Variants in USP24 observed in about 807,000 individuals in gnomAD.
USP24 encodes the protein ubiquitin specific peptidase 24, also known as ubiquitin carboxyl-terminal hydrolase 24.
In USP24, 97 loss-of-function variants were observed where a neutral mutation model predicts 361.6. That is an observed-to-expected ratio of 0.27 (90% CI 0.23 to 0.32). The LOEUF is 0.32. Among genes scored for constraint, USP24 ranks in the 10% least tolerant of loss-of-function variants. The pLI is 1.00. For synonymous variants in USP24, 1,098 were observed against 1,124.6 expected (o/e 0.98, Z 0.47); for missense variants, 2,353 against 3,165.6 (o/e 0.74, Z 6.16).
intron 17 of USP24, 100 bp from the exon 18 acceptor site, chr1:55,147,898 C>T (rs1254629869): frequency 3.3e-6 from 4 of 1,216,342 alleles, no homozygotes; most frequent in African/African-American, 1.5e-5. Context: ...CTAGATGAGA[C>T]AAAGCAAACA....
chr1:55,165,103 A>G (rs1648691037), intron 7 of USP24, among the ~76,000 whole-genome samples: 1 of 152,070 alleles, frequency 6.6e-6, no homozygotes, highest in Non-Finnish European at 1.5e-5. Context: ...TCCTTCACCC[A>G]TAGAGGGACC....
chr1:55,145,642 CATGGT>C (rs1441087078), intron 20 of USP24, among the ~76,000 whole-genome samples: 1 of 152,110 alleles, frequency 6.6e-6, no homozygotes, highest in Non-Finnish European at 1.5e-5. Flanking sequence ...AAGTGAGTTT[CATGGT>C]ATGTAAATTA....
At chr1:55,165,862 G>A (rs1051261823) in intron 7 of USP24, 23 bp downstream of exon 7, 23 of 1,572,124 alleles carry the variant, frequency 1.5e-5, no homozygotes, top group Non-Finnish European at 1.7e-5. Flanking sequence ...TCCACAGTGA[G>A]CATATACAGT....
At position 55,097,196 on chromosome 1, in the gene USP24, A is replaced by G. The variant is rs566625678; in HGVS notation, c.5716-24T>C. 10 of 1,610,522 alleles carry G rather than the reference A, an allele frequency of 6.2e-6. No individual in the cohort carries two copies. In the East Asian group the frequency reaches 2.0e-4, roughly 32 times the overall value. On this transcript the variant is annotated intron_variant, in intron 48 of 67. Transcript: ENST00000294383. The stretch of plus-strand genomic sequence containing the variant: ...AACTATGTAGAAGCAAAAAGACCAT[A>G]TTAACGTTGATTACTAACATATACA...
intron 24 of USP24, among the ~76,000 whole-genome samples, 151 bp from the exon 25 acceptor site, chr1:55,139,161 T>A (rs1206240397): frequency 6.6e-6 from 1 of 152,202 alleles, no homozygotes; most frequent in Non-Finnish European, 1.5e-5. Flanking sequence ...TTTTACCCAA[T>A]GGGGAGGTGG....
intron 5 of USP24, among the ~76,000 whole-genome samples, chr1:55,170,765 T>C (rs1649360976): frequency 6.6e-6 from 1 of 152,190 alleles, no homozygotes; most frequent in African/African-American, 2.4e-5. Flanking sequence ...CATATTATTA[T>C]AATTCCACCT....
At chr1:55,073,678 T>G (rs1644964950) in intron 64 of USP24, 150 bp downstream of exon 64, 2 of 703,530 alleles carry the variant, frequency 2.8e-6, no homozygotes, top group African/African-American at 1.8e-5. Flanking sequence ...TTTGAGATCA[T>G]GCAAATAGGT....
chr1:55,123,996 T>C (rs534017405), intron 35 of USP24, among the ~76,000 whole-genome samples: 1 of 152,278 alleles, frequency 6.6e-6, no homozygotes, highest in African/African-American at 2.4e-5. Flanking sequence ...TGTATATATG[T>C]CAAAATTTTA....
chr1:55,135,055 A>G (rs1375054685), intron 28 of USP24, among the ~76,000 whole-genome samples: 1 of 152,166 alleles, frequency 6.6e-6, no homozygotes, highest in Non-Finnish European at 1.5e-5. Flanking sequence ...AAATTATTAA[A>G]CTTGAAGATA....
At position 55,146,926 on chromosome 1, in the gene USP24, T is replaced by C; in HGVS notation, c.2250+3A>G. On this transcript the variant is annotated splice_donor_region_variant and intron_variant, in intron 19 of 67. Coordinates refer to ENST00000294383, the MANE Select transcript of USP24 (RefSeq NM_015306.3). ...TACTTTATCCACAATACCACCTTCT[T>C]ACCTCTCTATCTAATTCACAAACAT... 6.2e-7 allele frequency: 1 copy of C among 1,611,864 alleles called. No individual in the cohort carries two copies.
At position 55,146,010 on chromosome 1, in the gene USP24, T is replaced by C. The variant is rs781483272; in HGVS notation, c.2350A>G (p.Ile784Val). 3.1e-6 allele frequency: 5 copies of C among 1,610,634 alleles called. No individual in the cohort carries two copies. Among genetic ancestry groups the C allele is most frequent in the Non-Finnish European group, 4.2e-6 (5 of 1,177,766 alleles). ...AGTTTTTTCCTACCATTCATAGTGA[T>C]TTCATATGACTCCAATTTAAGAATT... ...EKILKLESYE[I>V]TMNGFNLFKT... The change falls in exon 20 of 68, where the codon ATC becomes GTC. Residue 784 changes from isoleucine to valine, a missense_variant. Coordinates refer to ENST00000294383, the MANE Select transcript of USP24 (RefSeq NM_015306.3).
intron 1 of USP24, among the ~76,000 whole-genome samples, chr1:55,200,351 G>A (rs1644537739): frequency 6.6e-6 from 1 of 152,176 alleles, no homozygotes. Flanking sequence ...TCTGATGTTG[G>A]CCATCCCTAG....
At chr1:55,176,567 T>C (rs1192295539) in intron 2 of USP24, 124 bp from the exon 3 acceptor site, 1 of 827,856 alleles carries the variant, frequency 1.2e-6, no homozygotes, top group Admixed American at 2.6e-5. Context: ...TATACATCAT[T>C]CTAAATCCAT....
rs1419609053 is a variant in USP24 at position 55,137,886 on chromosome 1, T to C, written c.2947A>G (p.Ile983Val). ...FTVEAHSNET[I>V]GSVRWKIAKQ... is the part of the protein sequence containing the mutation. ...GCTATTTTCCACCGGACACTCCCTA[T>C]GGTTTCATTACTGTGAGCCTGTAAA... is the stretch of plus-strand genomic sequence containing the variant. The change falls in exon 27 of 68, where the codon ATA becomes GTA. Residue 983 changes from isoleucine (I) to valine (V), a missense_variant. Ile to Val is a conservative substitution (Grantham distance 29). This residue lies in a region of USP24 where 949 missense variants were observed against 1,280.5 expected (regional missense o/e 0.74). Coordinates refer to ENST00000294383, the MANE Select transcript of USP24 (RefSeq NM_015306.3). 9 of 1,591,322 alleles carry C rather than the reference T, an allele frequency of 5.7e-6. No individual in the cohort carries two copies. The highest frequency in any genetic ancestry group is 7.7e-6 in the Non-Finnish European group (9 of 1,167,732).
chr1:55,197,007 C>T (rs4926670), intron 1 of USP24, among the ~76,000 whole-genome samples: 11,072 of 152,292 alleles, frequency 0.073, 644 homozygotes, highest in South Asian at 0.15. Context: ...TATTTCCTTA[C>T]ATATAGCATA....
intron 42 of USP24, among the ~76,000 whole-genome samples, chr1:55,103,329 C>A (rs1645688001): frequency 6.6e-6 from 1 of 152,182 alleles, no homozygotes; most frequent in Non-Finnish European, 1.5e-5. Context: ...TGTGTTAGAG[C>A]ATTGAGGACA....
rs774832661 is a variant in USP24, at chr1:55,101,720, T to C, written c.5026-17A>G. On this transcript the variant is annotated splice_polypyrimidine_tract_variant and intron_variant, in intron 42 of 67. Coordinates refer to ENST00000294383, the MANE Select transcript of USP24 (RefSeq NM_015306.3). ...GGGAAGGTACTGGAAAAGAGAGGAATAGAAACAGCAGAGGAGAAGAATGAG... is the reference window on the plus strand; with the variant it reads ...GGGAAGGTACTGGAAAAGAGAGGAACAGAAACAGCAGAGGAGAAGAATGAG... The C allele has an allele frequency of 9.4e-6, 15 of 1,589,884 alleles. No individual in the cohort carries two copies. The highest frequency in any genetic ancestry group is 1.4e-5 in the African/African-American group (1 of 73,662).
In USP24 at chr1:55,096,544, C is replaced by T; in HGVS notation, c.6015G>A (p.Glu2005=). 1 of 1,612,992 alleles carries T rather than the reference C, an allele frequency of 6.2e-7. No homozygotes were observed. The highest frequency in any genetic ancestry group is 8.5e-7 in the Non-Finnish European group (1 of 1,179,500). The stretch of plus-strand genomic sequence containing the variant: ...TATATTCTCCTCCAAAGCATTCATA[C>T]TCCAGGGTCTCGTCATTTAGGTCAA... The part of the protein sequence containing the change: ...EEFDLNDETL[E]YECFGGEYRP... The change falls in exon 50 of 68, where the codon GAG becomes GAA. Residue 2005 remains glutamate (E), a synonymous_variant. Transcript: ENST00000294383.
intron 7 of USP24, among the ~76,000 whole-genome samples, chr1:55,165,102 CA>C (rs1648691351): frequency 6.6e-6 from 1 of 152,024 alleles, no homozygotes; most frequent in Admixed American, 6.6e-5. Context: ...TTCCTTCACC[CA>C]TAGAGGGACC....
Sources: allele counts gnomAD v4.1 joint callset (sites outside exome capture counted in the v4.1 genomes callset), GRCh38; gene constraint gnomAD v4.1.1; regional missense constraint gnomAD v4.1.1; transcripts MANE v1.5; gene names NCBI Gene and HGNC (gene_info 2026-07-23, HGNC 2026-07-21).